Variants in EP300 observed in about 807,000 individuals in gnomAD.
The protein encoded by EP300 is histone acetyltransferase p300.
A neutral mutation model predicts 264.0 loss-of-function variants in EP300; 31 were observed. The ratio of observed to expected loss-of-function variants is 0.12; its 90% CI spans 0.09 to 0.16. EP300 has a LOEUF of 0.16. Ranked by LOEUF, EP300 falls within the 10% of genes least tolerant of loss-of-function variation. The pLI, the probability that EP300 is intolerant of heterozygous loss-of-function variation, is 1.00. For missense variants in EP300, 2,766 were observed against 3,052.9 expected, an observed-to-expected ratio of 0.91 and a Z score of 2.21; for synonymous variants, 1,340 against 1,045.4, an observed-to-expected ratio of 1.28 and a Z score of -5.44.
rs574986428 is a variant in EP300 at position 41,140,834 on chromosome 22, C to G, written c.1879-214C>G. ...GCTGAGCTGTTACCAGCTGTGTTCT[C>G]TTTTCACTAGAATATAATGAAGTAG... On this transcript the variant is annotated intron_variant, in intron 9 of 30. Coordinates refer to ENST00000263253, the MANE Select transcript of EP300 (RefSeq NM_001429.4). Among the ~76,000 whole-genome samples the G allele has an allele frequency of 1.7e-4, 26 of 152,250 alleles. No individual in the cohort carries two copies. In the South Asian group the frequency reaches 5.4e-3, roughly 32 times the overall value.
intron 25 of EP300, 41 bp downstream of exon 25, chr22:41,168,908 G>A (rs2145764135): frequency 6.2e-7 from 1 of 1,613,838 alleles, no homozygotes; most frequent in Non-Finnish European, 8.5e-7. Flanking sequence ...ATTTGTGTGG[G>A]AGTTCCAACT....
At chr22:41,163,904 A>T in intron 21 of EP300, 149 bp from the exon 22 acceptor site, 2 of 760,212 alleles carry the variant, frequency 2.6e-6, no homozygotes, top group East Asian at 5.4e-5. Context: ...CAGAGACCCT[A>T]TCTCTAAAAA....
intron 1 of EP300, among the ~76,000 whole-genome samples, chr22:41,111,057 C>T (rs917059666): frequency 6.6e-6 from 1 of 151,642 alleles, no homozygotes; most frequent in Non-Finnish European, 1.5e-5. Context: ...ACTCTGCCTC[C>T]TGGATGCAAG....
In EP300 at chr22:41,117,298, G is replaced by A. The variant is rs370355846; in HGVS notation, c.206G>A (p.Gly69Asp). 1.4e-5 allele frequency: 22 copies of A among 1,614,042 alleles called. No individual in the cohort carries two copies. Among genetic ancestry groups the A allele is most frequent in the East Asian group, 2.2e-5 (1 of 44,888 alleles). The part of the protein sequence containing the change: ...GDINQLQTSL[G>D]MVQDAASKHK... ...ATTAATCAGCTTCAGACAAGTCTTG[G>A]CATGGTACAAGATGCAGCTTCTAAA... The change falls in exon 2 of 31, where the codon GGC becomes GAC. Residue 69 changes from glycine to aspartate, a missense_variant. Physicochemically the swap from Gly to Asp is moderately conservative, Grantham distance 94 (BLOSUM62 -1). Coordinates refer to ENST00000263253, the MANE Select transcript of EP300 (RefSeq NM_001429.4).
chr22:41,152,404 G>A (rs2145741362), intron 16 of EP300, 54 bp downstream of exon 16: 1 of 1,575,680 alleles, frequency 6.3e-7, no homozygotes, highest in Non-Finnish European at 8.6e-7. Flanking sequence ...CAAAGACCCA[G>A]GGCAGAATTG....
Position 41,178,784 on chromosome 22 carries a change from C to T in EP300, c.7073C>T (p.Pro2358Leu), listed in dbSNP as rs2059220344. The stretch of plus-strand genomic sequence containing the variant: ...GGACTGGTAGCTGCCCAGGCCAACC[C>T]CATGGAACAAGGGCATTTTGCCAGC... Reference protein sequence around the residue: ...HPGLVAAQANPMEQGHFASPD... With the variant: ...HPGLVAAQANLMEQGHFASPD... Residue 2358 changes from proline to leucine, a missense_variant, in exon 31 of 31, where the codon CCC becomes CTC. Transcript: ENST00000263253. 2.5e-6 allele frequency: 4 copies of T among 1,614,140 alleles called. No individual in the cohort carries two copies. The highest frequency in any genetic ancestry group is 3.4e-6 in the Non-Finnish European group (4 of 1,180,026).
At chr22:41,148,512 C>G (rs139722314) in intron 12 of EP300, among the ~76,000 whole-genome samples, 188 of 152,176 alleles carry the variant, frequency 1.2e-3, no homozygotes, top group African/African-American at 4.3e-3. Flanking sequence ...CTTTGGTACT[C>G]GAGATTTCTT....
chr22:41,173,760 T>C lies in EP300; in HGVS notation c.4755T>C (p.Tyr1585=), dbSNP rs1259772779. 6.2e-7 allele frequency: 1 copy of C among 1,614,086 alleles called. No homozygotes were observed. Among genetic ancestry groups the C allele is most frequent in the Non-Finnish European group, 8.5e-7 (1 of 1,180,000 alleles). ...CTAACGACCTCTCACAGAAACTATA[T>C]GCCACCATGGAGAAGCATAAAGAGG... ...NVSNDLSQKL[Y]ATMEKHKEVF... Residue 1585 remains tyrosine, a synonymous_variant, in exon 29 of 31, where the codon TAT becomes TAC. Coordinates refer to ENST00000263253, the MANE Select transcript of EP300 (RefSeq NM_001429.4).
chr22:41,097,007 C>T (rs1421770461), intron 1 of EP300, among the ~76,000 whole-genome samples: 1 of 152,172 alleles, frequency 6.6e-6, no homozygotes, highest in Non-Finnish European at 1.5e-5. Flanking sequence ...TTTTCCAGCT[C>T]TGTAACTTGT....
intron 19 of EP300, chr22:41,159,399 T>C (rs1415900400): frequency 1.3e-5 from 2 of 152,240 alleles, no homozygotes; most frequent in African/African-American, 2.4e-5. Flanking sequence ...GTAGACCTAA[T>C]GCTTTGATTT....
Position 41,177,515 on chromosome 22 carries a change from C to T in EP300, c.5804C>T (p.Ala1935Val), listed in dbSNP as rs979617423. ...AVEMAMQIQR[A>V]AETQRQMAHV... ...GAAATGGCAATGCAGATTCAGAGAGCAGCGGAGACGCAGCGCCAGATGGCC... is the reference window on the plus strand; with the variant it reads ...GAAATGGCAATGCAGATTCAGAGAGTAGCGGAGACGCAGCGCCAGATGGCC... Residue 1935 changes from alanine to valine, a missense_variant, in exon 31 of 31, where the codon GCA (alanine) becomes GTA (valine). By Grantham distance (64) the Ala-to-Val change is moderately conservative (BLOSUM62 0). Transcript: ENST00000263253. 1 of 1,614,188 alleles carries T rather than the reference C, an allele frequency of 6.2e-7. No individual in the cohort carries two copies. The highest frequency in any genetic ancestry group is 8.5e-7 in the Non-Finnish European group (1 of 1,180,040).
At chr22:41,130,597 A>G (rs2058913063) in intron 5 of EP300, among the ~76,000 whole-genome samples, 1 of 152,298 alleles carries the variant, frequency 6.6e-6, no homozygotes, top group East Asian at 1.9e-4. Context: ...AATAAGATCC[A>G]GGAACTCTCA....
intron 27 of EP300, among the ~76,000 whole-genome samples, chr22:41,172,146 C>T (rs143652333): frequency 2.2e-4 from 33 of 152,268 alleles, no homozygotes; most frequent in African/African-American, 7.9e-4. Context: ...GGAGGGCATG[C>T]TTCATACCAC....
intron 1 of EP300, among the ~76,000 whole-genome samples, chr22:41,101,018 A>G (rs994403530): frequency 8.5e-5 from 13 of 152,160 alleles, no homozygotes; most frequent in African/African-American, 3.1e-4. Flanking sequence ...AATGGAAAAC[A>G]TTGTTCTTGT....
At chr22:41,175,244 A>G (rs2059193450) in intron 29 of EP300, among the ~76,000 whole-genome samples, 1 of 146,256 alleles carries the variant, frequency 6.8e-6, no homozygotes, top group South Asian at 2.2e-4. Context: ...TTGTAGGGTG[A>G]CAGAAGCAGC....
chr22:41,139,959 A>T (rs1298936819), intron 8 of EP300, among the ~76,000 whole-genome samples, 181 bp from the exon 9 acceptor site: 2 of 152,228 alleles, frequency 1.3e-5, no homozygotes, highest in Non-Finnish European at 2.9e-5. Flanking sequence ...TTATATTGTG[A>T]ACGGAAATAT....
intron 2 of EP300, among the ~76,000 whole-genome samples, chr22:41,120,398 T>C (rs992013375): frequency 6.6e-6 from 1 of 152,174 alleles, no homozygotes; most frequent in Non-Finnish European, 1.5e-5. Flanking sequence ...CCTAAAATTA[T>C]CTTGTAGAGC....
intron 13 of EP300, 37 bp from the exon 14 acceptor site, chr22:41,149,724 C>G (rs760127763): frequency 1.1e-5 from 18 of 1,601,976 alleles, no homozygotes; most frequent in Admixed American, 3.3e-5. Context: ...TAATTCTGTT[C>G]TGAATTGCTG....
chr22:41,155,423 G>A (rs538986244), intron 17 of EP300, among the ~76,000 whole-genome samples: 7 of 152,078 alleles, frequency 4.6e-5, no homozygotes, highest in South Asian at 2.1e-4. Context: ...TAGTAGAGAC[G>A]GGGTTTCGCC....
Sources: allele counts gnomAD v4.1 joint callset (sites outside exome capture counted in the v4.1 genomes callset), GRCh38; gene constraint gnomAD v4.1.1; transcripts MANE v1.5; gene names NCBI Gene and HGNC (gene_info 2026-07-23, HGNC 2026-07-21).